AGBL1: variants seen among roughly 807,000 people sequenced by gnomAD.
AGBL1 encodes the protein AGBL carboxypeptidase 1.
AGBL1 carries 130 observed loss-of-function variants against 118.9 expected under a neutral mutation model. The ratio of observed to expected loss-of-function variants is 1.09; its 90% CI spans 0.95 to 1.26. The LOEUF (loss-of-function observed/expected upper bound fraction) is 1.26. AGBL1 is among the 50% of genes most tolerant of loss of function. AGBL1 has a pLI of 0.00. For missense variants in AGBL1, 1,584 were observed against 1,298.1 expected (o/e 1.22, Z -3.38); for synonymous variants, 555 against 478.9 (o/e 1.16, Z -2.08).
chr15:86,851,485 T>C (rs977254185), intron 22 of AGBL1, among the ~76,000 whole-genome samples: 6 of 152,176 alleles, frequency 3.9e-5, no homozygotes, highest in African/African-American at 1.4e-4. Context: ...CTGTTTGAAA[T>C]GGTAAGATAT....
rs1012434721 is a variant in AGBL1 at position 86,312,772 on chromosome 15, A to G, written c.2374+17364A>G. Among the ~76,000 whole-genome samples the G allele has an allele frequency of 7.2e-5, 11 of 152,338 alleles. No homozygotes were observed. The South Asian group carries it at 1.2e-3, about 17-fold the overall frequency. ...GGAAGTGGCTATTCATGAAACTGAC[A>G]GGGTAAAGCCCTAATTAGAAAGACC... On this transcript the variant is annotated intron_variant, in intron 17 of 22. Transcript: ENST00000614907.
At chr15:86,580,529 A>C (rs1328534286) in intron 21 of AGBL1, among the ~76,000 whole-genome samples, 1 of 152,068 alleles carries the variant, frequency 6.6e-6, no homozygotes, top group South Asian at 2.1e-4. Context: ...ACTAGTACTC[A>C]GTCTGTACAT....
At chr15:86,900,646 A>G (rs1471625740) in intron 22 of AGBL1, among the ~76,000 whole-genome samples, 2 of 145,778 alleles carry the variant, frequency 1.4e-5, no homozygotes, top group African/African-American at 5.3e-5. Context: ...ACTATCTTAT[A>G]TCAGAATTTT....
chr15:86,848,230 C>T (rs746530910), intron 22 of AGBL1, among the ~76,000 whole-genome samples: 5 of 152,060 alleles, frequency 3.3e-5, no homozygotes, highest in Admixed American at 6.5e-5. Flanking sequence ...AACTGCTCCT[C>T]GACTTTGTGT....
At chr15:86,747,496 T>C (rs1596443348) in intron 22 of AGBL1, among the ~76,000 whole-genome samples, 1 of 152,230 alleles carries the variant, frequency 6.6e-6, no homozygotes, top group Non-Finnish European at 1.5e-5. Context: ...TTTATTATTA[T>C]ACTTTAAGTT....
intron 1 of AGBL1, among the ~76,000 whole-genome samples, chr15:86,126,623 G>C (rs1898449707): frequency 6.6e-6 from 1 of 152,156 alleles, no homozygotes; most frequent in Admixed American, 6.5e-5. Flanking sequence ...TTATTACCTA[G>C]TGATGATAAA....
rs1264405820 is a variant in AGBL1 at position 86,974,561 on chromosome 15, T to C, written c.3222-13426T>C. On this transcript the variant is annotated intron_variant, in intron 23 of 24. Transcript: ENST00000441037. The stretch of plus-strand genomic sequence containing the variant: ...ATAAAAATTATATAATTATATAATA[T>C]AAATTATATATATTAAATATATAAA... 6.7e-5 allele frequency among the ~76,000 whole-genome samples: 9 copies of C among 134,918 alleles called. No individual in the cohort carries two copies. The Admixed American group carries it at 6.9e-4, about 10-fold the overall frequency. The allele number at this position is 134,918 out of a possible 152,430, so 88.5% of individuals were successfully genotyped here. A position where few individuals can be genotyped will look rare whatever the true frequency, so the allele number is the denominator to read the frequency against.
At chr15:86,122,190 A>G (rs1170938893) in intron 1 of AGBL1, among the ~76,000 whole-genome samples, 1 of 152,220 alleles carries the variant, frequency 6.6e-6, no homozygotes, top group African/African-American at 2.4e-5. Flanking sequence ...ATTTCCCGAC[A>G]TGGTCACAGG....
At chr15:86,609,003 G>A (rs2084622267) in intron 21 of AGBL1, among the ~76,000 whole-genome samples, 1 of 152,080 alleles carries the variant, frequency 6.6e-6, no homozygotes, top group African/African-American at 2.4e-5. Context: ...AATATGACAC[G>A]GGAAGCACAC....
intron 5 of AGBL1, among the ~76,000 whole-genome samples, chr15:86,167,810 G>T (rs183068598): frequency 6.6e-6 from 1 of 152,228 alleles, no homozygotes; most frequent in African/African-American, 2.4e-5. Context: ...GGCAGAGATT[G>T]TAGGATGAGG....
intron 1 of AGBL1, among the ~76,000 whole-genome samples, chr15:86,112,783 C>A (rs1567061993): frequency 6.6e-6 from 1 of 152,204 alleles, no homozygotes; most frequent in Non-Finnish European, 1.5e-5. Context: ...TAAATCTCTT[C>A]CCATTTGAGA....
chr15:86,892,811 C>T (rs1356322974), intron 22 of AGBL1, among the ~76,000 whole-genome samples: 2 of 152,112 alleles, frequency 1.3e-5, no homozygotes, highest in Non-Finnish European at 2.9e-5. Context: ...AACTCAGGGA[C>T]ACACTTTGTG....
chr15:86,926,587 A>T (rs2080543131), intron 23 of AGBL1, among the ~76,000 whole-genome samples: 2 of 152,242 alleles, frequency 1.3e-5, no homozygotes, highest in Admixed American at 1.3e-4. Context: ...ACTTGGTGTG[A>T]AAGCTCTAAT....
chr15:86,937,399 A>T (rs1369734425), intron 23 of AGBL1, among the ~76,000 whole-genome samples: 2 of 152,350 alleles, frequency 1.3e-5, no homozygotes, highest in East Asian at 3.9e-4. Context: ...CATGGAATCA[A>T]TCTAAATGCT....
intron 22 of AGBL1, among the ~76,000 whole-genome samples, chr15:86,828,552 T>C (rs2079063120): frequency 6.6e-6 from 1 of 152,020 alleles, no homozygotes; most frequent in Non-Finnish European, 1.5e-5. Flanking sequence ...AGGAAGGGGC[T>C]ACAAGCTGAA....
intron 22 of AGBL1, among the ~76,000 whole-genome samples, chr15:86,872,661 C>A (rs1296691077): frequency 1.3e-5 from 2 of 152,136 alleles, no homozygotes. Context: ...GAGGCTGAGG[C>A]AGGAGAATCG....
At chr15:87,028,445 G>A (rs2081755785) in intron 24 of AGBL1, among the ~76,000 whole-genome samples, 1 of 151,764 alleles carries the variant, frequency 6.6e-6, no homozygotes, top group South Asian at 2.1e-4. Flanking sequence ...AATTTCATGT[G>A]TAAACAATAA....
At chr15:86,862,582 G>A (rs576083504) in intron 22 of AGBL1, among the ~76,000 whole-genome samples, 6 of 152,190 alleles carry the variant, frequency 3.9e-5, no homozygotes, top group African/African-American at 7.2e-5. Flanking sequence ...TTAGCCGGGC[G>A]TGATGACATA....
chr15:86,995,788 G>C (rs572893789), intron 24 of AGBL1, among the ~76,000 whole-genome samples: 3 of 152,156 alleles, frequency 2.0e-5, no homozygotes, highest in African/African-American at 7.2e-5. Flanking sequence ...TTCTCACAAG[G>C]GTGAATTGCC....
Sources: allele counts gnomAD v4.1 joint callset (sites outside exome capture counted in the v4.1 genomes callset), GRCh38; gene constraint gnomAD v4.1.1; transcripts MANE v1.5; gene names NCBI Gene and HGNC (gene_info 2026-07-23, HGNC 2026-07-21).